The following ARFGEF1 variants were observed in gnomAD, a reference collection of about 807,000 sequenced individuals.
ARFGEF1 encodes the protein ARF guanine nucleotide exchange factor 1.
A neutral mutation model predicts 231.0 loss-of-function variants in ARFGEF1; 42 were observed. The ratio of observed to expected loss-of-function variants is 0.18; its 90% confidence interval spans 0.14 to 0.24. The LOEUF (loss-of-function observed/expected upper bound fraction) is 0.24. ARFGEF1 is among the 10% of genes least tolerant of loss of function. The pLI, the probability that ARFGEF1 is intolerant of heterozygous loss-of-function variation, is 1.00. For synonymous variants in ARFGEF1, 710 were observed against 732.3 expected (o/e 0.97, Z 0.49); for missense variants, 1,345 against 2,192.0 (o/e 0.61, Z 7.72).
chr8:67,312,527 CA>C (rs971417370), intron 1 of ARFGEF1, among the ~76,000 whole-genome samples: 1 of 151,302 alleles, frequency 6.6e-6, no homozygotes, highest in Non-Finnish European at 1.5e-5. Context: ...TGAAGGATAA[CA>C]AAAAAAACAA....
At position 67,191,171 on chromosome 8, in the gene ARFGEF1, A is replaced by G. The variant is rs193153972; in HGVS notation, c.560+9225T>C. Among the ~76,000 whole-genome samples the G allele has an allele frequency of 3.3e-5, 5 of 152,372 alleles. No individual in the cohort carries two copies. The East Asian group carries it at 9.6e-4, about 29-fold the overall frequency. The stretch of plus-strand genomic sequence containing the variant: ...CACATGGGCAAGAAGGCTGAGATTC[A>G]AACCCATGTTCTCCTCACTCTGCTC... On this transcript the variant is annotated intron_variant, in intron 5 of 5. Coordinates refer to the ARFGEF1 transcript ENST00000518789.
At chr8:67,242,996 C>T (rs1314729748) in intron 19 of ARFGEF1, among the ~76,000 whole-genome samples, 1 of 152,182 alleles carries the variant, frequency 6.6e-6, no homozygotes, top group Non-Finnish European at 1.5e-5. Context: ...AGCTCAGCTG[C>T]AGTAGAATTG....
chr8:67,250,732 C>G (rs1043964278), intron 19 of ARFGEF1, among the ~76,000 whole-genome samples: 1 of 152,188 alleles, frequency 6.6e-6, no homozygotes. Context: ...TGCTACAACC[C>G]TTGTAGTAAT....
intron 10 of ARFGEF1, 32 bp downstream of exon 10, chr8:67,271,670 A>G: frequency 2.1e-6 from 3 of 1,418,890 alleles, no homozygotes. Flanking sequence ...GAAATATCCA[A>G]TAGTAACATT....
chr8:67,224,229 T>TG lies in ARFGEF1; in HGVS notation c.4208+673dup, dbSNP rs568645221. Among the ~76,000 whole-genome samples the TG allele has an allele frequency of 5.9e-5, 9 of 152,066 alleles. No individual in the cohort carries two copies. The South Asian group carries it at 1.9e-3, about 32-fold the overall frequency. ...GTTTACCATAAAATTGAACTCACGGTGGGTTTAGAGGTTGACAGATATTAG... is the reference window on the plus strand; with the variant it reads ...GTTTACCATAAAATTGAACTCACGGTGGGGTTTAGAGGTTGACAGATATTAG... On this transcript the variant is annotated intron_variant, in intron 29 of 38. Transcript: ENST00000262215.
chr8:67,292,082 C>A lies in ARFGEF1; in HGVS notation c.681G>T (p.Gln227His), dbSNP rs752409370. The part of the protein sequence containing the change: ...AKQMEKERHR[Q>H]HHHLLQSPVS... ...CTGGAGACTGTAACAGATGATGATG[C>A]TGCCGATGCCTTTCTTTTTCCATTT... Residue 227 changes from glutamine to histidine, a missense_variant, in exon 6 of 39, where the codon CAG (glutamine) becomes CAT (histidine). Physicochemically the swap from Gln to His is conservative, Grantham distance 24. Around this residue, in one of 14 missense-constraint regions of ARFGEF1, gnomAD observed 398 missense variants for 463.2 expected, o/e 0.86. Transcript: ENST00000262215. 3.7e-6 allele frequency: 6 copies of A among 1,613,334 alleles called. No homozygotes were observed. The highest frequency in any genetic ancestry group is 2.5e-6 in the Non-Finnish European group (3 of 1,179,750).
At chr8:67,233,337 T>G (rs918991371) in intron 22 of ARFGEF1, among the ~76,000 whole-genome samples, 17 of 152,038 alleles carry the variant, frequency 1.1e-4, no homozygotes, top group African/African-American at 4.1e-4. Context: ...TCATTTAATC[T>G]CTAGTCCCCT....
At chr8:67,240,375 G>GA (rs1164829573) in intron 19 of ARFGEF1, 85 bp from the exon 20 acceptor site, 23 of 1,248,698 alleles carry the variant, frequency 1.8e-5, no homozygotes, top group South Asian at 1.4e-4. Flanking sequence ...TACAAGTTCT[G>GA]AAAAAAAGAA....
Position 67,226,092 on chromosome 8 carries a change from G to A in ARFGEF1, c.4008C>T (p.Phe1336=). 1 of 1,613,332 alleles carries A rather than the reference G, an allele frequency of 6.2e-7. No homozygotes were observed. Among genetic ancestry groups the A allele is most frequent in the Non-Finnish European group, 8.5e-7 (1 of 1,179,536 alleles). ...CLSEFACNAA[F]PDTSMEAIRL... is the part of the protein sequence containing the mutation. ...GAATTGCTTCCATACTTGTGTCTGG[G>A]AAAGCTGCATTGCACGCAAATTCAG... Residue 1336 remains phenylalanine (F), a synonymous_variant, in exon 28 of 39, where the codon TTC becomes TTT. Coordinates refer to ENST00000262215, the MANE Select transcript of ARFGEF1 (RefSeq NM_006421.5).
chr8:67,196,089 ACAG>A (rs1249958447), downstream of ARFGEF1: 4 of 153,830 alleles, frequency 2.6e-5, no homozygotes, highest in East Asian at 7.6e-4. Context: ...AGCTACTGAT[ACAG>A]CAGAAATGAA....
intron 6 of ARFGEF1, among the ~76,000 whole-genome samples, chr8:67,289,570 A>AGG (rs1805915188): frequency 3.3e-5 from 5 of 150,112 alleles, no homozygotes; most frequent in Non-Finnish European, 1.5e-5. Context: ...AAAAAAAAAA[A>AGG]AAAAAAGGAA....
chr8:67,256,855 G>C (rs1440648226), intron 17 of ARFGEF1, among the ~76,000 whole-genome samples: 3 of 152,070 alleles, frequency 2.0e-5, no homozygotes, highest in Non-Finnish European at 4.4e-5. Context: ...TAACTTTTTA[G>C]GTATGCTGGT....
intron 29 of ARFGEF1, among the ~76,000 whole-genome samples, chr8:67,222,164 C>CATATATATATATATACACATATAT (rs1388079851): frequency 8.4e-5 from 10 of 119,152 alleles, no homozygotes; most frequent in South Asian, 2.7e-4. Flanking sequence ...CTTTTCCATG[C>CATATATATATATATACACATATAT]ATATATATAT....
At chr8:67,275,029 T>C (rs1030210235) in intron 9 of ARFGEF1, among the ~76,000 whole-genome samples, 4 of 152,078 alleles carry the variant, frequency 2.6e-5, no homozygotes, top group African/African-American at 7.2e-5. Context: ...ATATAACAAA[T>C]GTAGTTTCCA....
intron 1 of ARFGEF1, among the ~76,000 whole-genome samples, chr8:67,311,254 C>G (rs1169641228): frequency 1.5e-5 from 2 of 135,318 alleles, no homozygotes; most frequent in Admixed American, 1.4e-4. Flanking sequence ...GTCAGCCCCC[C>G]GCCCGGCCAG....
rs368734230 is a variant in ARFGEF1 at position 67,259,837 on chromosome 8, T to A, written c.2213A>T (p.His738Leu). ...TTPEDIAQFL[H>L]QEERLDSTQV... ...TACAGAGTCTAATCTTTCCTCTTGATGTAAGAATTGGGCAATATCTTCAGG... is the reference window on the plus strand; with the variant it reads ...TACAGAGTCTAATCTTTCCTCTTGAAGTAAGAATTGGGCAATATCTTCAGG... The change falls in exon 15 of 39, where the codon CAT (histidine) becomes CTT (leucine). Residue 738 changes from histidine (H) to leucine (L), a missense_variant. By Grantham distance (99) the His-to-Leu change is moderately conservative (BLOSUM62 -3). This residue lies in a region of ARFGEF1 where 105 missense variants were observed against 159.3 expected (regional missense o/e 0.66). Coordinates refer to ENST00000262215, the MANE Select transcript of ARFGEF1 (RefSeq NM_006421.5). 2 of 1,608,792 alleles carry A rather than the reference T, an allele frequency of 1.2e-6. No homozygotes were observed. The highest frequency in any genetic ancestry group is 2.7e-5 in the African/African-American group (2 of 74,706).
chr8:67,193,879 A>G (rs1191039839), downstream of ARFGEF1, among the ~76,000 whole-genome samples: 1 of 152,286 alleles, frequency 6.6e-6, no homozygotes, highest in Non-Finnish European at 1.5e-5. Context: ...TGCTTTCAGC[A>G]AAGAAAATGC....
chr8:67,254,900 TA>T (rs879816603), intron 17 of ARFGEF1, among the ~76,000 whole-genome samples: 295 of 141,530 alleles, frequency 2.1e-3, no homozygotes, highest in Middle Eastern at 0.014. Flanking sequence ...GTCATGGCAC[TA>T]AAAAAAAAAA....
Position 67,226,203 on chromosome 8 carries a change from A to G in ARFGEF1, c.3917-20T>C, listed in dbSNP as rs545493434. Reference sequence around the variant, plus strand: ...CAAGGGCTAAAATAGAGAAAAATATATATTACTATAATTTTTCAATTATTC... The same window carrying G: ...CAAGGGCTAAAATAGAGAAAAATATGTATTACTATAATTTTTCAATTATTC... On this transcript the variant is annotated intron_variant, in intron 27 of 38. Coordinates refer to ENST00000262215, the MANE Select transcript of ARFGEF1 (RefSeq NM_006421.5). The G allele has an allele frequency of 5.9e-6, 9 of 1,514,824 alleles. No homozygotes were observed. Among genetic ancestry groups the G allele is most frequent in the African/African-American group, 1.4e-5 (1 of 70,558 alleles). The allele number at this position is 1,514,824 out of a possible 1,614,324, so 93.8% of individuals were successfully genotyped here. A position where few individuals can be genotyped will look rare whatever the true frequency, so the allele number is the denominator to read the frequency against.
Sources: gnomAD v4.1 joint callset for allele counts (sites outside exome capture counted in the v4.1 genomes callset) on GRCh38, gnomAD v4.1.1 for gene constraint, gnomAD v4.1.1 regional missense constraint, MANE v1.5 for transcripts, NCBI Gene and HGNC (gene_info 2026-07-23, HGNC 2026-07-21) for gene names.